The following CCDC180 variants were observed in gnomAD, a reference collection of about 807,000 sequenced individuals.
CCDC180 encodes the protein coiled-coil domain containing 180, also known as coiled-coil domain-containing protein 180.
In CCDC180, 154 loss-of-function variants were observed where a neutral mutation model predicts 209.2. The ratio of observed to expected loss-of-function variants is 0.74; its 90% CI spans 0.65 to 0.84. The LOEUF is 0.84. Ranked by LOEUF, CCDC180 falls within the 40% of genes least tolerant of loss-of-function variation. The pLI, the probability that CCDC180 is intolerant of heterozygous loss-of-function variation, is 0.00. For missense variants in CCDC180, 1,874 were observed against 1,997.3 expected (o/e 0.94, Z 1.18); for synonymous variants, 778 against 749.1 (o/e 1.04, Z -0.63).
At chr9:97,342,262 G>A (rs139598014) in intron 18 of CCDC180, among the ~76,000 whole-genome samples, 4 of 152,302 alleles carry the variant, frequency 2.6e-5, no homozygotes, top group South Asian at 2.1e-4. Flanking sequence ...TGCGTTGATC[G>A]TGCTGGGAGC....
At chr9:97,340,892 G>C (rs150244720) in intron 18 of CCDC180, among the ~76,000 whole-genome samples, 12 of 152,160 alleles carry the variant, frequency 7.9e-5, no homozygotes, top group East Asian at 1.9e-4. Flanking sequence ...ACAGTTATCC[G>C]GAGGCCTAAC....
chr9:97,334,440 A>G (rs1439864692), intron 18 of CCDC180, among the ~76,000 whole-genome samples: 1 of 152,210 alleles, frequency 6.6e-6, no homozygotes, highest in African/African-American at 2.4e-5. Context: ...TCAAAGCTAA[A>G]CAACTTTTCT....
intron 4 of CCDC180, among the ~76,000 whole-genome samples, 177 bp downstream of exon 4, chr9:97,312,378 T>G (rs1479110410): frequency 9.8e-6 from 1 of 102,484 alleles, no homozygotes; most frequent in Admixed American, 1.0e-4. Context: ...AGTCCTCCCC[T>G]GTGCAGAGAG....
chr9:97,343,109 A>C (rs1826135733), intron 18 of CCDC180, among the ~76,000 whole-genome samples: 2 of 152,226 alleles, frequency 1.3e-5, no homozygotes, highest in African/African-American at 2.4e-5. Flanking sequence ...ATGCAGGCTC[A>C]GAATTGACAT....
At chr9:97,316,671 A>G (rs1330100210) in intron 8 of CCDC180, among the ~76,000 whole-genome samples, 2 of 152,220 alleles carry the variant, frequency 1.3e-5, no homozygotes, top group African/African-American at 4.8e-5. Flanking sequence ...TCTCCTAACA[A>G]CCATATGTGG....
chr9:97,316,674 A>C (rs1833183178), intron 8 of CCDC180, among the ~76,000 whole-genome samples: 1 of 152,220 alleles, frequency 6.6e-6, no homozygotes, highest in Non-Finnish European at 1.5e-5. Flanking sequence ...CCTAACAACC[A>C]TATGTGGCTC....
In CCDC180 at chr9:97,330,425, A is replaced by G. The variant is rs763710764; in HGVS notation, c.1932A>G (p.Thr644=). 7.4e-6 allele frequency: 12 copies of G among 1,614,188 alleles called. No homozygotes were observed. The highest frequency in any genetic ancestry group is 1.6e-4 in the Middle Eastern group (1 of 6,062). Reference sequence around the variant, plus strand: ...GTGAGGAAAGCATAAGTAGTGGGACAAGTACTGCCAGGTCAGTAGAAGAGG... The same window carrying G: ...GTGAGGAAAGCATAAGTAGTGGGACGAGTACTGCCAGGTCAGTAGAAGAGG... ...TRSEESISSG[T]STARSVEEVE... is the part of the protein sequence containing the mutation. Residue 644 remains threonine, a synonymous_variant, in exon 18 of 37, where the codon ACA becomes ACG. Transcript: ENST00000529487.
intron 22 of CCDC180, among the ~76,000 whole-genome samples, chr9:97,352,941 G>A (rs752907972): frequency 2.9e-5 from 4 of 136,324 alleles, no homozygotes; most frequent in Non-Finnish European, 6.2e-5. Flanking sequence ...ATACATATAC[G>A]TATGTATATA....
chr9:97,314,954 G>A lies in CCDC180; in HGVS notation c.795+8G>A. ...ATAAATGAAGAAGCCATGGTGAGTG[G>A]TTTTCCTGTGCAGGGATCAGCCCAT... On this transcript the variant is annotated splice_region_variant and intron_variant, in intron 8 of 36. Coordinates refer to ENST00000529487, the MANE Select transcript of CCDC180 (RefSeq NM_020893.6). 1 of 1,610,656 alleles carries A rather than the reference G, an allele frequency of 6.2e-7. No homozygotes were observed. Among genetic ancestry groups the A allele is most frequent in the Non-Finnish European group, 8.5e-7 (1 of 1,176,984 alleles).
intron 18 of CCDC180, among the ~76,000 whole-genome samples, chr9:97,341,592 G>A (rs866532882): frequency 6.6e-6 from 1 of 152,096 alleles, no homozygotes; most frequent in Non-Finnish European, 1.5e-5. Context: ...GGTGTCAGTC[G>A]GCCCCTACTA....
rs772780982 is a variant in CCDC180, at chr9:97,314,630, C to T, written c.601C>T (p.Leu201=). 1 of 1,614,010 alleles carries T rather than the reference C, an allele frequency of 6.2e-7. No individual in the cohort carries two copies. Among genetic ancestry groups the T allele is most frequent in the Non-Finnish European group, 8.5e-7 (1 of 1,179,960 alleles). The part of the protein sequence containing the change: ...EDYTIQALLE[L]WDKVAGRLLL... ...CTTCTCTGCGTAGGCCCTGCTGGAG[C>T]TGTGGGATAAGGTGGCCGGGCGGTT... is the stretch of plus-strand genomic sequence containing the variant. The change falls in exon 7 of 37, where the codon CTG becomes TTG. Residue 201 remains leucine, a synonymous_variant. Transcript: ENST00000529487.
In CCDC180 at chr9:97,318,585, A is replaced by G. The variant is rs903655363; in HGVS notation, c.1079+3A>G. On this transcript the variant is annotated splice_donor_region_variant and intron_variant, in intron 10 of 36. Transcript: ENST00000529487. ...CTGAAGCATCTCTGCACCATCTGGT[A>G]TGGGCAGGAGGGGCGGCCCAGGAGG... 2 of 1,611,852 alleles carry G rather than the reference A, an allele frequency of 1.2e-6. No individual in the cohort carries two copies. The highest frequency in any genetic ancestry group is 1.1e-5 in the South Asian group (1 of 91,064).
rs1190603696 is a variant in CCDC180, at chr9:97,347,456, C to G, written c.2641C>G (p.Gln881Glu). 6.5e-7 allele frequency: 1 copy of G among 1,536,032 alleles called. No individual in the cohort carries two copies. The highest frequency in any genetic ancestry group is 8.7e-7 in the Non-Finnish European group (1 of 1,146,904). ...GCACCTGCACCAGCCAAGAGCCCAG[C>G]AGATTGAAAAAGACATCCACAACGT... The part of the protein sequence containing the change: ...HLHLHQPRAQ[Q>E]IEKDIHNVRA... The change falls in exon 20 of 37, where the codon CAG becomes GAG. Residue 881 changes from glutamine to glutamate, a missense_variant. Physicochemically the swap from Gln to Glu is conservative, Grantham distance 29. Coordinates refer to ENST00000529487, the MANE Select transcript of CCDC180 (RefSeq NM_020893.6).
intron 24 of CCDC180, among the ~76,000 whole-genome samples, chr9:97,357,027 C>T (rs1826604246): frequency 6.6e-6 from 1 of 152,228 alleles, no homozygotes; most frequent in Admixed American, 6.5e-5. Context: ...GATGTGTTGA[C>T]ATTTTTACTT....
At chr9:97,340,845 C>T (rs1345022484) in intron 18 of CCDC180, among the ~76,000 whole-genome samples, 2 of 152,176 alleles carry the variant, frequency 1.3e-5, no homozygotes, top group Non-Finnish European at 2.9e-5. Context: ...TGCTCCTCCA[C>T]CTCTTGTGGA....
rs567102377 is a variant in CCDC180 at position 97,369,928 on chromosome 9, G to A, written c.4196G>A (p.Arg1399Gln). 1.3e-5 allele frequency: 21 copies of A among 1,614,092 alleles called. No individual in the cohort carries two copies. The highest frequency in any genetic ancestry group is 6.7e-5 in the East Asian group (3 of 44,888). Residue 1399 changes from arginine to glutamine, a missense_variant, in exon 32 of 37, where the codon CGG becomes CAG. By Grantham distance (43) the Arg-to-Gln change is conservative. Coordinates refer to ENST00000529487, the MANE Select transcript of CCDC180 (RefSeq NM_020893.6). Reference protein sequence around the residue: ...KYHNSCLIELRIQIRRFEELL... With the variant: ...KYHNSCLIELQIQIRRFEELL... ...TTACCCGCACTTCTGGCAGAATTACGGATCCAGATCAGGAGATTTGAGGAG... is the reference window on the plus strand; with the variant it reads ...TTACCCGCACTTCTGGCAGAATTACAGATCCAGATCAGGAGATTTGAGGAG...
intron 18 of CCDC180, among the ~76,000 whole-genome samples, chr9:97,336,316 A>G (rs1467727588): frequency 2.6e-5 from 4 of 152,118 alleles, no homozygotes; most frequent in Non-Finnish European, 4.4e-5. Flanking sequence ...TAAGTCTTTA[A>G]TCCATCTTGA....
At position 97,347,365 on chromosome 9, in the gene CCDC180, C is replaced by T. The variant is rs1430542769; in HGVS notation, c.2550C>T (p.Ser850=). The T allele has an allele frequency of 3.9e-6, 6 of 1,535,992 alleles. No individual in the cohort carries two copies. The highest frequency in any genetic ancestry group is 5.2e-6 in the Non-Finnish European group (6 of 1,146,924). The change falls in exon 20 of 37, where the codon TCC becomes TCT. Residue 850 remains serine, a synonymous_variant. Transcript: ENST00000529487. ...EHLEKWFDQC[S]LNTRVTVATK... Reference sequence around the variant, plus strand: ...TTGAGAAGTGGTTTGACCAGTGTTCCCTCAACACCCGGGTCACCGTGGCCA... The same window carrying T: ...TTGAGAAGTGGTTTGACCAGTGTTCTCTCAACACCCGGGTCACCGTGGCCA...
rs1469292378 is a variant in CCDC180, at chr9:97,323,756, C to T, written c.1249-25C>T. On this transcript the variant is annotated intron_variant, in intron 12 of 36. Coordinates refer to ENST00000529487, the MANE Select transcript of CCDC180 (RefSeq NM_020893.6). ...GTGGGGACCTCAGTCCTAAGCCAGG[C>T]TCTGCCTTGTCCCACACACTCCAGA... is the stretch of plus-strand genomic sequence containing the variant. 2.6e-6 allele frequency: 4 copies of T among 1,549,076 alleles called. No individual in the cohort carries two copies. The African/African-American group carries it at 5.5e-5, about 21-fold the overall frequency.
Sources: gnomAD v4.1 joint callset for allele counts (sites outside exome capture counted in the v4.1 genomes callset) on GRCh38, gnomAD v4.1.1 for gene constraint, MANE v1.5 for transcripts, NCBI Gene and HGNC (gene_info 2026-07-23, HGNC 2026-07-21) for gene names.